ICAM3: variants seen among roughly 807,000 people sequenced by gnomAD.
ICAM3 encodes ICAM-3.
ICAM3 carries 54 observed loss-of-function variants against 43.6 expected under a neutral mutation model. The observed-to-expected ratio is 1.24, with a 90% CI of 0.99 to 1.55. The LOEUF (loss-of-function observed/expected upper bound fraction) is 1.55. Among genes scored for constraint, ICAM3 ranks in the 40% most tolerant of loss-of-function variants. The probability of loss-of-function intolerance (pLI) is 0.00; values close to 1 mark genes in which losing one functional copy is unlikely to be tolerated. For synonymous variants in ICAM3, 306 were observed against 312.6 expected, an observed-to-expected ratio of 0.98 and a Z score of 0.22; for missense variants, 715 against 717.9, an observed-to-expected ratio of 1.00 and a Z score of 0.05.
chr19:10,338,865 T>C lies in ICAM3; in HGVS notation c.160A>G (p.Ser54Gly). 1.9e-6 allele frequency: 3 copies of C among 1,614,162 alleles called. No individual in the cohort carries two copies. Among genetic ancestry groups the C allele is most frequent in the Non-Finnish European group, 2.5e-6 (3 of 1,180,036 alleles). Residue 54 changes from serine (S) to glycine (G), a missense_variant, in exon 2 of 7, where the codon AGT becomes GGT. Physicochemically the swap from Ser to Gly is moderately conservative, Grantham distance 56 (BLOSUM62 0). Coordinates refer to ENST00000160262, the MANE Select transcript of ICAM3 (RefSeq NM_002162.5). ...TTCTCAGAGCTGGGACAATCAGTAC[T>C]GCAGTTCACAAACAGGGACCCTCCA... ...SAGGSLFVNC[S>G]TDCPSSEKIA...
At chr19:10,336,106 A>G in intron 2 of ICAM3, 130 bp from the exon 3 acceptor site, 1 of 796,158 alleles carries the variant, frequency 1.3e-6, no homozygotes, top group South Asian at 1.8e-5. Context: ...TAGAGGGCTT[A>G]GAGCTGGGCC....
At chr19:10,338,032 G>A (rs1410979707) in intron 2 of ICAM3, among the ~76,000 whole-genome samples, 1 of 151,724 alleles carries the variant, frequency 6.6e-6, no homozygotes, top group Non-Finnish European at 1.5e-5. Context: ...GGGAGGCAGA[G>A]GTCGCAGTGA....
rs1417036966 is a variant in ICAM3 at position 10,335,812 on chromosome 19, G to A, written c.508C>T (p.Pro170Ser). Residue 170 changes from proline (P) to serine (S), a missense_variant, in exon 3 of 7, where the codon CCA (proline) becomes TCA (serine). Pro to Ser is a moderately conservative substitution (Grantham distance 74). Transcript: ENST00000160262. ...ELSRQPAVEE[P>S]AEVTATVLAS... The stretch of plus-strand genomic sequence containing the variant: ...AGCACAGTGGCAGTGACCTCCGCTG[G>A]CTCCTCCACTGCGGGCTGCCGGCTC... 6.2e-7 allele frequency: 1 copy of A among 1,612,554 alleles called. No individual in the cohort carries two copies. The highest frequency in any genetic ancestry group is 1.7e-5 in the Admixed American group (1 of 59,946).
chr19:10,334,191 T>TACG lies in ICAM3; in HGVS notation c.1409_1410insCGT (p.Lys470delinsAsnVal). The TACG allele has an allele frequency of 1.2e-6, 2 of 1,613,906 alleles. No individual in the cohort carries two copies. Among genetic ancestry groups the TACG allele is most frequent in the East Asian group, 4.5e-5 (2 of 44,872 alleles). ...TGTCCATCACCACGACCAGGGTGTA[T>TACG]TTGCCTCGTGAGCTGGACGCTTGGC... On this transcript the variant is annotated protein_altering_variant, in exon 6 of 7. Transcript: ENST00000160262. The surrounding 1 kb of genome is among the most constrained non-coding windows in gnomAD (Gnocchi z 5.5).
In ICAM3 at chr19:10,335,970, G is replaced by T. The variant is rs752495746; in HGVS notation, c.350C>A (p.Pro117Gln). 2.6e-6 allele frequency: 4 copies of T among 1,554,844 alleles called. No homozygotes were observed. In the South Asian group the frequency reaches 4.6e-5, roughly 18 times the overall value. Residue 117 changes from proline to glutamine, a missense_variant, in exon 3 of 7, where the codon CCG (proline) becomes CAG (glutamine). By Grantham distance (76) the Pro-to-Gln change is moderately conservative. Coordinates refer to ENST00000160262, the MANE Select transcript of ICAM3 (RefSeq NM_002162.5). ...GSSNITVYRL[P>Q]ERVELAPLPP... ...CAGGGGTGCCAGCTCCACACGCTCC[G>T]GGAGCCCTGAGAGAGGAGGGGAGGA... is the stretch of plus-strand genomic sequence containing the variant.
rs2040624529 is a variant in ICAM3 at position 10,338,798 on chromosome 19, C to T, written c.227G>A (p.Ser76Asn). ...ATTGAAGGCTGCCCAGCCCATGCCACTGGCCACCAGCTCCTTTGATAGGGA... is the reference window on the plus strand; with the variant it reads ...ATTGAAGGCTGCCCAGCCCATGCCATTGGCCACCAGCTCCTTTGATAGGGA... Reference protein sequence around the residue: ...ETSLSKELVASGMGWAAFNLS... With the variant: ...ETSLSKELVANGMGWAAFNLS... The change falls in exon 2 of 7, where the codon AGT (serine) becomes AAT (asparagine). Residue 76 changes from serine (S) to asparagine (N), a missense_variant. Ser to Asn is a conservative substitution (Grantham distance 46). Coordinates refer to ENST00000160262, the MANE Select transcript of ICAM3 (RefSeq NM_002162.5). The T allele has an allele frequency of 6.2e-7, 1 of 1,614,208 alleles. No homozygotes were observed. Among genetic ancestry groups the T allele is most frequent in the South Asian group, 1.1e-5 (1 of 91,086 alleles).
chr19:10,334,918 G>T lies in ICAM3; in HGVS notation c.938-136C>A. 1.4e-6 allele frequency: 2 copies of T among 1,435,362 alleles called. No homozygotes were observed. Among genetic ancestry groups the T allele is most frequent in the African/African-American group, 1.4e-5 (1 of 70,176 alleles). The allele number at this position is 1,435,362 out of a possible 1,614,324, so 88.9% of individuals were successfully genotyped here. A position where few individuals can be genotyped will look rare whatever the true frequency, so the allele number is the denominator to read the frequency against. ...CGTTCAAGCCTCGCCCTCTTTCCGC[G>T]CTGTGTCCAGCTTCGGGCACTCAGG... On this transcript the variant is annotated intron_variant, in intron 4 of 6. Transcript: ENST00000160262. This position sits in a 1 kb window ranked among gnomAD's most constrained non-coding sequence, Gnocchi z 5.5.
Position 10,334,312 on chromosome 19 carries a change from T to A in ICAM3, c.1289A>T (p.Tyr430Phe). 6.2e-7 allele frequency: 1 copy of A among 1,614,118 alleles called. No individual in the cohort carries two copies. Among genetic ancestry groups the A allele is most frequent in the South Asian group, 1.1e-5 (1 of 91,084 alleles). ...TTCCTTCAAACACCGCAGCTCGGGG[T>A]ACGGGTTGCCCCTGGCTTGGCACTG... ...VLQCQARGNP[Y>F]PELRCLKEGS... The change falls in exon 6 of 7, where the codon TAC becomes TTC. Residue 430 changes from tyrosine to phenylalanine, a missense_variant. Transcript: ENST00000160262. The surrounding 1 kb of genome is among the most constrained non-coding windows in gnomAD (Gnocchi z 5.5).
In ICAM3 at chr19:10,338,651, ACCAGTCCCACCT is replaced by A. The variant is rs1568319469; in HGVS notation, c.343+19_343+30del. 4.3e-6 allele frequency: 7 copies of A among 1,609,660 alleles called. No homozygotes were observed. The highest frequency in any genetic ancestry group is 3.3e-5 in the South Asian group (3 of 90,808). ...CCACTTGCCCACACCACTACCCAAG[ACCAGTCCCACCT>A]CCGGACACGTCGACTCACTGTACAC... On this transcript the variant is annotated intron_variant, in intron 2 of 6. Transcript: ENST00000160262.
intron 1 of ICAM3, 139 bp from the exon 2 acceptor site, chr19:10,339,087 A>G (rs1568320031): frequency 2.3e-6 from 2 of 877,714 alleles, no homozygotes; most frequent in African/African-American, 3.4e-5. Context: ...GGAAAGGTAG[A>G]ATCCATCAGA....
Position 10,333,966 on chromosome 19 carries a change from T to C in ICAM3, c.1535A>G (p.Glu512Gly). The change falls in exon 7 of 7, where the codon GAG (glutamate) becomes GGG (glycine). Residue 512 changes from glutamate (E) to glycine (G), a missense_variant. Transcript: ENST00000160262. The surrounding 1 kb of genome is among the most constrained non-coding windows in gnomAD (Gnocchi z 4.2). ...IVLALMYVFR[E>G]HQRSGSYHVR... ...ATGGTAACTGCCGCTCCGTTGGTGC[T>C]CCCTGAAGACGTACATTAAGGCCAG... is the stretch of plus-strand genomic sequence containing the variant. The C allele has an allele frequency of 6.2e-7, 1 of 1,614,054 alleles. No individual in the cohort carries two copies. The highest frequency in any genetic ancestry group is 8.5e-7 in the Non-Finnish European group (1 of 1,180,014).
chr19:10,335,087 G>C lies in ICAM3; in HGVS notation c.916C>G (p.Arg306Gly), dbSNP rs773151947. ...VTLGGERREA[R>G]ENLTVFSFLG... Reference sequence around the variant, plus strand: ...TTACTAAAGACCGTCAAGTTCTCCCGGGCCTCCCGTCTCTCGCCCCCTAGG... The same window carrying C: ...TTACTAAAGACCGTCAAGTTCTCCCCGGCCTCCCGTCTCTCGCCCCCTAGG... The change falls in exon 4 of 7, where the codon CGG becomes GGG. Residue 306 changes from arginine (R) to glycine (G), a missense_variant. By Grantham distance (125) the Arg-to-Gly change is moderately radical (BLOSUM62 -2). Coordinates refer to ENST00000160262, the MANE Select transcript of ICAM3 (RefSeq NM_002162.5). 1.7e-5 allele frequency: 28 copies of C among 1,612,916 alleles called. No homozygotes were observed. Among genetic ancestry groups the C allele is most frequent in the South Asian group, 6.6e-5 (6 of 91,050 alleles).
chr19:10,336,012 C>G, intron 2 of ICAM3, 36 bp from the exon 3 acceptor site: 1 of 1,497,230 alleles, frequency 6.7e-7, no homozygotes, highest in Non-Finnish European at 8.9e-7. Flanking sequence ...TTAGCGGGTC[C>G]TGCAAACCCA....
In ICAM3 at chr19:10,335,110, A is replaced by G. The variant is rs746348254; in HGVS notation, c.893T>C (p.Leu298Pro). Residue 298 changes from leucine to proline, a missense_variant, in exon 4 of 7, where the codon CTA (leucine) becomes CCA (proline). Coordinates refer to ENST00000160262, the MANE Select transcript of ICAM3 (RefSeq NM_002162.5). ...GAREIVCNVT[L>P]GGERREAREN... ...CCGGGCCTCCCGTCTCTCGCCCCCT[A>G]GGGTCACGTTGCAGACGATCTCCCG... 32 of 1,613,000 alleles carry G rather than the reference A, an allele frequency of 2.0e-5. No homozygotes were observed. The highest frequency in any genetic ancestry group is 2.5e-5 in the Non-Finnish European group (29 of 1,179,762).
chr19:10,335,009 C>A, intron 4 of ICAM3, 57 bp downstream of exon 4: 1 of 1,570,618 alleles, frequency 6.4e-7, no homozygotes. Flanking sequence ...GTCTCCGCCC[C>A]CTCTGCCACG....
chr19:10,335,066 TA>T lies in ICAM3; in HGVS notation c.936del (p.Phe312LeufsTer4). The T allele has an allele frequency of 6.2e-7, 1 of 1,611,872 alleles. No individual in the cohort carries two copies. On this transcript the variant is annotated frameshift_variant and splice_region_variant, in exon 4 of 7. Transcript: ENST00000160262. LOFTEE classifies it high-confidence loss of function. ...GCCCCCTTCCCACGCCTCCTCTTACTAAAGACCGTCAAGTTCTCCCGGGCCT... is the reference window on the plus strand; with the variant it reads ...GCCCCCTTCCCACGCCTCCTCTTACTAAGACCGTCAAGTTCTCCCGGGCCT... ...RREARENLTV[F>X]SFLGPIVNLS...
intron 1 of ICAM3, 64 bp from the exon 2 acceptor site, chr19:10,339,012 C>A (rs775317716): frequency 1.3e-6 from 2 of 1,556,104 alleles, no homozygotes; most frequent in Admixed American, 3.4e-5. Flanking sequence ...CATCAACAGG[C>A]CCCACCATTT....
At chr19:10,337,924 G>T (rs1481379791) in intron 2 of ICAM3, among the ~76,000 whole-genome samples, 1 of 152,188 alleles carries the variant, frequency 6.6e-6, no homozygotes, top group African/African-American at 2.4e-5. Flanking sequence ...AGGCGCAGTG[G>T]CTCACACTTG....
In ICAM3 at chr19:10,333,968, C is replaced by T. The variant is rs766373947; in HGVS notation, c.1533G>A (p.Arg511=). The change falls in exon 7 of 7, where the codon AGG becomes AGA. Residue 511 remains arginine, a synonymous_variant. Coordinates refer to ENST00000160262, the MANE Select transcript of ICAM3 (RefSeq NM_002162.5). The surrounding 1 kb of genome is among the most constrained non-coding windows in gnomAD (Gnocchi z 4.2). ...GGTAACTGCCGCTCCGTTGGTGCTC[C>T]CTGAAGACGTACATTAAGGCCAGTA... ...TIVLALMYVF[R]EHQRSGSYHV... 5 of 1,614,088 alleles carry T rather than the reference C, an allele frequency of 3.1e-6. No individual in the cohort carries two copies. The highest frequency in any genetic ancestry group is 3.4e-6 in the Non-Finnish European group (4 of 1,180,020).
Sources: allele counts gnomAD v4.1 joint callset (sites outside exome capture counted in the v4.1 genomes callset), GRCh38; gene constraint gnomAD v4.1.1; non-coding constraint Gnocchi (gnomAD v3.1); transcripts MANE v1.5; gene names NCBI Gene and HGNC (gene_info 2026-07-23, HGNC 2026-07-21).